The following EFCAB6 variants were observed in gnomAD, a reference collection of about 807,000 sequenced individuals.
EFCAB6 encodes EF-hand calcium binding domain 6.
EFCAB6 carries 156 observed loss-of-function variants against 169.8 expected under a neutral mutation model. That is an observed-to-expected ratio of 0.92 (90% CI 0.81 to 1.05). The LOEUF (loss-of-function observed/expected upper bound fraction) is 1.05, where lower values mean the gene tolerates loss of function less well. Among genes scored for constraint, EFCAB6 ranks in the 50% least tolerant of loss-of-function variants. The probability of loss-of-function intolerance (pLI) is 0.00; values close to 1 mark genes in which losing one functional copy is unlikely to be tolerated. For synonymous variants in EFCAB6, 698 were observed against 676.4 expected, an observed-to-expected ratio of 1.03 and a Z score of -0.50; for missense variants, 1,800 against 1,829.1, an observed-to-expected ratio of 0.98 and a Z score of 0.29.
At chr22:43,755,861 A>C in intron 5 of EFCAB6, 29 bp from the exon 6 acceptor site, 1 of 1,551,246 alleles carries the variant, frequency 6.4e-7, no homozygotes, top group Non-Finnish European at 8.7e-7. Flanking sequence ...ATCTTTATTA[A>C]AACATTTTAA....
intron 1 of EFCAB6, among the ~76,000 whole-genome samples, chr22:43,811,314 G>A (rs2063112762): frequency 7.3e-6 from 1 of 136,818 alleles, no homozygotes; most frequent in South Asian, 2.6e-4. Flanking sequence ...GGGGAGGGGA[G>A]CGGAGGGGAA....
At chr22:43,778,192 C>G (rs888188461) in intron 3 of EFCAB6, among the ~76,000 whole-genome samples, 2 of 152,146 alleles carry the variant, frequency 1.3e-5, no homozygotes, top group Non-Finnish European at 2.9e-5. Flanking sequence ...GAAAACGACC[C>G]AGTATTTAGC....
At chr22:43,697,572 T>C (rs750040744) in intron 10 of EFCAB6, among the ~76,000 whole-genome samples, 4 of 152,156 alleles carry the variant, frequency 2.6e-5, no homozygotes, top group Non-Finnish European at 5.9e-5. Flanking sequence ...TAAATAAACA[T>C]AATTTTCAAA....
chr22:43,557,476 T>C (rs545054261), intron 26 of EFCAB6, among the ~76,000 whole-genome samples: 2 of 152,188 alleles, frequency 1.3e-5, no homozygotes, highest in African/African-American at 2.4e-5. Flanking sequence ...GTATTTAAAG[T>C]ATTAGAAAGG....
At chr22:43,530,284 C>T (rs935378364) in intron 31 of EFCAB6, among the ~76,000 whole-genome samples, 6 of 152,212 alleles carry the variant, frequency 3.9e-5, no homozygotes, top group Admixed American at 2.6e-4. Context: ...GAAAGAGGAA[C>T]GTGAATGTGG....
chr22:43,808,023 G>T (rs2062980083), intron 2 of EFCAB6, among the ~76,000 whole-genome samples: 1 of 152,182 alleles, frequency 6.6e-6, no homozygotes, highest in African/African-American at 2.4e-5. Context: ...TTTGAAAAAG[G>T]GAGATACAGT....
chr22:43,636,459 C>T (rs2054449482), intron 17 of EFCAB6, among the ~76,000 whole-genome samples: 1 of 152,048 alleles, frequency 6.6e-6, no homozygotes, highest in Admixed American at 6.6e-5. Context: ...CCACACGGAT[C>T]TCATTTAATC....
intron 25 of EFCAB6, among the ~76,000 whole-genome samples, chr22:43,580,190 G>A (rs1193512336): frequency 1.3e-5 from 2 of 152,066 alleles, no homozygotes; most frequent in African/African-American, 4.8e-5. Context: ...GCCCACTCTT[G>A]CCCAAGGGCC....
chr22:43,676,349 A>G (rs2057758351), intron 13 of EFCAB6, among the ~76,000 whole-genome samples: 1 of 148,972 alleles, frequency 6.7e-6, no homozygotes, highest in South Asian at 2.2e-4. Context: ...CCCAGGAGGC[A>G]GGGAGGTTGC....
At chr22:43,794,806 A>C (rs1199438639) in intron 2 of EFCAB6, among the ~76,000 whole-genome samples, 1 of 152,186 alleles carries the variant, frequency 6.6e-6, no homozygotes, top group Non-Finnish European at 1.5e-5. Context: ...GACAGACTCT[A>C]CTGGCAACCC....
chr22:43,675,344 CTATATTATACTATAATATATAATATAAT>C (rs2057689278), intron 13 of EFCAB6, among the ~76,000 whole-genome samples: 1 of 30,704 alleles, frequency 3.3e-5, no homozygotes, highest in Non-Finnish European at 7.9e-5. Context: ...ATATAATATA[CTATATTATACTATAATATATAATATAAT>C]ATACTATATT....
intron 17 of EFCAB6, among the ~76,000 whole-genome samples, chr22:43,647,114 A>T (rs1356433478): frequency 6.6e-6 from 1 of 151,192 alleles, no homozygotes; most frequent in East Asian, 2.0e-4. Context: ...TCTTGCTATA[A>T]ACCTAAAGCT....
intron 26 of EFCAB6, among the ~76,000 whole-genome samples, chr22:43,561,366 A>AAAAGAAAG (rs1050374880): frequency 6.6e-6 from 1 of 151,764 alleles, no homozygotes; most frequent in Non-Finnish European, 1.5e-5. Flanking sequence ...CAAAAAAAAA[A>AAAAGAAAG]AAAGAAAGAA....
rs1009477878 is a variant in EFCAB6, at chr22:43,573,216, T to C, written c.3420+3081A>G. On this transcript the variant is annotated intron_variant, in intron 26 of 31. Coordinates refer to ENST00000262726, the MANE Select transcript of EFCAB6 (RefSeq NM_022785.4). ...CAAAAAAACAAAATAAAAGTGATTG[T>C]TCTTGGGGAGCAGGACTGGAGGTTA... 1.2e-4 allele frequency among the ~76,000 whole-genome samples: 19 copies of C among 152,328 alleles called. 1 individual carries two copies. The highest frequency in any genetic ancestry group is 4.6e-4 in the African/African-American group (19 of 41,578).
chr22:43,704,888 T>G (rs2058898922), intron 10 of EFCAB6, among the ~76,000 whole-genome samples: 1 of 151,988 alleles, frequency 6.6e-6, no homozygotes, highest in Non-Finnish European at 1.5e-5. Flanking sequence ...ATGGTAGTAA[T>G]AAGTTCTTCC....
In EFCAB6 at chr22:43,583,785, G is replaced by T. The variant is rs529926685; in HGVS notation, c.3033-3126C>A. Among the ~76,000 whole-genome samples the T allele has an allele frequency of 3.4e-3, 513 of 152,210 alleles. 2 individuals carry two copies. Among genetic ancestry groups the T allele is most frequent in the Non-Finnish European group, 5.1e-3 (347 of 68,006 alleles). ...TTTTCAGCAGATATTAAATCTGCTGGTACCTCAATTCTGAACTTCCTAGCC... is the reference window on the plus strand; with the variant it reads ...TTTTCAGCAGATATTAAATCTGCTGTTACCTCAATTCTGAACTTCCTAGCC... On this transcript the variant is annotated intron_variant, in intron 24 of 31. Transcript: ENST00000262726.
At position 43,608,544 on chromosome 22, in the gene EFCAB6, C is replaced by G; in HGVS notation, c.2619G>C (p.Lys873Asn). Reference protein sequence around the residue: ...GNGILRRRDIKNALYGFDIPL... With the variant: ...GNGILRRRDINNALYGFDIPL... ...GAATATCAAAACCGTACAGTGCGTT[C>G]TTTATGTCCCGGCGTCGAAGAATGC... is the stretch of plus-strand genomic sequence containing the variant. Residue 873 changes from lysine (K) to asparagine (N), a missense_variant, in exon 22 of 32, where the codon AAG (lysine) becomes AAC (asparagine). Coordinates refer to ENST00000262726, the MANE Select transcript of EFCAB6 (RefSeq NM_022785.4). 6.2e-7 allele frequency: 1 copy of G among 1,614,174 alleles called. No individual in the cohort carries two copies. The highest frequency in any genetic ancestry group is 8.5e-7 in the Non-Finnish European group (1 of 1,180,024).
At chr22:43,542,318 G>A (rs1273017520) in intron 27 of EFCAB6, among the ~76,000 whole-genome samples, 1 of 152,154 alleles carries the variant, frequency 6.6e-6, no homozygotes, top group Non-Finnish European at 1.5e-5. Context: ...AGTGGCTCAC[G>A]CCTGTAATCC....
chr22:43,745,732 G>A (rs1487642269), intron 6 of EFCAB6, among the ~76,000 whole-genome samples: 1 of 152,066 alleles, frequency 6.6e-6, no homozygotes, highest in Non-Finnish European at 1.5e-5. Flanking sequence ...ACACATCAAT[G>A]CTCATTTTCC....
Sources: gnomAD v4.1 joint callset for allele counts (sites outside exome capture counted in the v4.1 genomes callset) on GRCh38, gnomAD v4.1.1 for gene constraint, MANE v1.5 for transcripts, NCBI Gene and HGNC (gene_info 2026-07-23, HGNC 2026-07-21) for gene names.